The following ZZEF1 variants were observed in gnomAD, a reference collection of about 807,000 sequenced individuals.
ZZEF1 encodes zinc finger ZZ-type and EF-hand domain-containing protein 1.
ZZEF1 carries 157 observed loss-of-function variants against 342.8 expected under a neutral mutation model. That is an observed-to-expected ratio of 0.46 (90% CI 0.40 to 0.52). The LOEUF (loss-of-function observed/expected upper bound fraction) is 0.52, where lower values mean the gene tolerates loss of function less well. Among genes scored for constraint, ZZEF1 ranks in the 20% least tolerant of loss-of-function variants. The pLI, the probability that ZZEF1 is intolerant of heterozygous loss-of-function variation, is 0.00. For missense variants in ZZEF1, 3,480 were observed against 3,725.6 expected, an observed-to-expected ratio of 0.93 and a Z score of 1.72; for synonymous variants, 1,505 against 1,429.1, an observed-to-expected ratio of 1.05 and a Z score of -1.20.
intron 28 of ZZEF1, among the ~76,000 whole-genome samples, chr17:4,065,032 A>C (rs1398959393): frequency 6.6e-6 from 1 of 152,178 alleles, no homozygotes; most frequent in Non-Finnish European, 1.5e-5. Context: ...TTAAAAAAAA[A>C]AGTTTAAATT....
At chr17:4,109,148 T>C (rs1271501516) in intron 6 of ZZEF1, among the ~76,000 whole-genome samples, 1 of 152,252 alleles carries the variant, frequency 6.6e-6, no homozygotes, top group Non-Finnish European at 1.5e-5. Context: ...GAAAGAGCCC[T>C]CAACTGATCC....
At chr17:4,076,595 TGAGA>T in intron 21 of ZZEF1, 38 bp downstream of exon 21, 1 of 1,586,718 alleles carries the variant, frequency 6.3e-7, no homozygotes, top group Non-Finnish European at 8.6e-7. Context: ...CCATCACTCC[TGAGA>T]GAGAACACGG....
intron 40 of ZZEF1, chr17:4,033,203 C>A (rs979616628): frequency 8.0e-5 from 41 of 510,222 alleles, no homozygotes; most frequent in Non-Finnish European, 1.2e-4. Flanking sequence ...CATACTCACC[C>A]TACGGCTGTG....
chr17:4,141,684 A>G (rs941640817), intron 1 of ZZEF1, among the ~76,000 whole-genome samples: 1 of 149,762 alleles, frequency 6.7e-6, no homozygotes, highest in African/African-American at 2.5e-5. Context: ...AATCCTGCAC[A>G]TGTACGCCTG....
At chr17:4,115,977 G>A (rs1183533830) in intron 3 of ZZEF1, among the ~76,000 whole-genome samples, 1 of 152,090 alleles carries the variant, frequency 6.6e-6, no homozygotes, top group Admixed American at 6.6e-5. Flanking sequence ...TTTATTTTTA[G>A]TTGAACTTTT....
intron 1 of ZZEF1, among the ~76,000 whole-genome samples, chr17:4,128,538 C>A (rs910348386): frequency 3.3e-5 from 5 of 150,070 alleles, no homozygotes; most frequent in African/African-American, 1.2e-4. Flanking sequence ...AGGCTCACTG[C>A]AACCTCTGCC....
chr17:4,008,584 A>G lies in ZZEF1; in HGVS notation c.8805+299T>C. The G allele has an allele frequency of 6.2e-6, 7 of 1,137,560 alleles. No individual in the cohort carries two copies. The highest frequency in any genetic ancestry group is 7.6e-6 in the Non-Finnish European group (7 of 925,732). The allele number at this position is 1,137,560 out of a possible 1,614,324, so 70.5% of individuals were successfully genotyped here. A position where few individuals can be genotyped will look rare whatever the true frequency, so the allele number is the denominator to read the frequency against. ...CAACTCACATCTAAAAATATGTGAA[A>G]TCTAACTCCACGGAAACTTCAAGAA... On this transcript the variant is annotated intron_variant, in intron 54 of 54. Coordinates refer to ENST00000381638, the MANE Select transcript of ZZEF1 (RefSeq NM_015113.4). The surrounding 1 kb of genome is among the most constrained non-coding windows in gnomAD (Gnocchi z 4.2).
In ZZEF1 at chr17:4,086,589, C is replaced by G; in HGVS notation, c.2409G>C (p.Val803=). ...AAGCAGCCAGTACATCTCCCTGCAG[C>G]ACAGAGAAGCAGCTCTGGAGTAGCT... ...LLQLLQSCFS[V]LQGDVLAASE... Residue 803 remains valine, a synonymous_variant, in exon 15 of 55, where the codon GTG becomes GTC. Coordinates refer to ENST00000381638, the MANE Select transcript of ZZEF1 (RefSeq NM_015113.4). The G allele has an allele frequency of 6.2e-7, 1 of 1,614,176 alleles. No homozygotes were observed. Among genetic ancestry groups the G allele is most frequent in the Non-Finnish European group, 8.5e-7 (1 of 1,180,042 alleles).
chr17:4,058,703 C>T (rs192924377), intron 31 of ZZEF1, among the ~76,000 whole-genome samples: 69 of 152,222 alleles, frequency 4.5e-4, no homozygotes, highest in Middle Eastern at 3.4e-3. Flanking sequence ...GGCAAAATCC[C>T]GTTTCTACAA....
intron 11 of ZZEF1, among the ~76,000 whole-genome samples, chr17:4,093,495 G>A (rs2057982055): frequency 6.6e-6 from 1 of 152,178 alleles, no homozygotes; most frequent in Non-Finnish European, 1.5e-5. Context: ...CAGGAATGCT[G>A]CTAAAGGAAT....
chr17:4,137,899 T>C (rs2058778753), intron 1 of ZZEF1, among the ~76,000 whole-genome samples: 1 of 152,088 alleles, frequency 6.6e-6, no homozygotes, highest in Non-Finnish European at 1.5e-5. Flanking sequence ...CAGGTGACAG[T>C]GCCAAGGTGG....
chr17:4,079,291 A>G (rs1343406366), intron 18 of ZZEF1, among the ~76,000 whole-genome samples: 4 of 152,210 alleles, frequency 2.6e-5, no homozygotes, highest in East Asian at 1.9e-4. Flanking sequence ...TTTCTGCCCA[A>G]TGGCACTGAT....
intron 1 of ZZEF1, among the ~76,000 whole-genome samples, chr17:4,141,068 C>A (rs775506188): frequency 1.3e-5 from 2 of 152,104 alleles, no homozygotes; most frequent in Non-Finnish European, 1.5e-5. Context: ...GCCACCATGC[C>A]CAGCTAATTT....
chr17:4,075,468 T>A lies in ZZEF1; in HGVS notation c.3235-39A>T, dbSNP rs1403465032. The A allele has an allele frequency of 3.7e-6, 6 of 1,603,964 alleles. 1 individual carries two copies. The Middle Eastern group carries it at 5.1e-4, about 136-fold the overall frequency. Reference sequence around the variant, plus strand: ...TGAGCCAGGGGAAAGAAAGGTTCTATCACTAGACACCTAGCCACATGCAGC... The same window carrying A: ...TGAGCCAGGGGAAAGAAAGGTTCTAACACTAGACACCTAGCCACATGCAGC... On this transcript the variant is annotated intron_variant, in intron 21 of 54. Coordinates refer to ENST00000381638, the MANE Select transcript of ZZEF1 (RefSeq NM_015113.4).
chr17:4,080,313 A>T (rs1048303135), intron 18 of ZZEF1, among the ~76,000 whole-genome samples: 1 of 151,660 alleles, frequency 6.6e-6, no homozygotes. Flanking sequence ...ATTGCTAAGA[A>T]ATCTGAATTT....
At chr17:4,088,654 G>A (rs199878521) in intron 13 of ZZEF1, 24 bp downstream of exon 13, 37 of 1,610,604 alleles carry the variant, frequency 2.3e-5, no homozygotes, top group Admixed American at 6.7e-5. Flanking sequence ...AAGGAATGCC[G>A]TCTAACAACT....
At chr17:4,049,638 G>A in intron 37 of ZZEF1, 70 bp downstream of exon 37, 4 of 1,587,544 alleles carry the variant, frequency 2.5e-6, no homozygotes, top group Non-Finnish European at 3.4e-6. Flanking sequence ...TCTCTGCTAT[G>A]CTGCACTGAG....
In ZZEF1 at chr17:4,017,871, C is replaced by T. The variant is rs981675665; in HGVS notation, c.7606G>A (p.Ala2536Thr). Reference protein sequence around the residue: ...SLRLEEQSAKAVDTDMIILPC... With the variant: ...SLRLEEQSAKTVDTDMIILPC... ...AGGATAATCATGTCTGTATCCACAG[C>T]TTTGGCGCTCTGTTCTTCCAGCCTC... Residue 2536 changes from alanine (A) to threonine (T), a missense_variant, in exon 47 of 55, where the codon GCT (alanine) becomes ACT (threonine). This residue lies in a region of ZZEF1 where 1,269 missense variants were observed against 1,342.4 expected (regional missense o/e 0.95). Transcript: ENST00000381638. The surrounding 1 kb of genome is among the most constrained non-coding windows in gnomAD (Gnocchi z 5.1). 1 of 1,614,054 alleles carries T rather than the reference C, an allele frequency of 6.2e-7. No individual in the cohort carries two copies. The highest frequency in any genetic ancestry group is 1.3e-5 in the African/African-American group (1 of 74,922).
intron 6 of ZZEF1, among the ~76,000 whole-genome samples, chr17:4,108,749 T>C (rs1034375349): frequency 6.6e-6 from 1 of 152,254 alleles, no homozygotes; most frequent in African/African-American, 2.4e-5. Context: ...AATGTAAACT[T>C]GCAGTGCTTC....
Sources: allele counts gnomAD v4.1 joint callset (sites outside exome capture counted in the v4.1 genomes callset), GRCh38; gene constraint gnomAD v4.1.1; regional missense constraint gnomAD v4.1.1; non-coding constraint Gnocchi (gnomAD v3.1); transcripts MANE v1.5; gene names NCBI Gene and HGNC (gene_info 2026-07-23, HGNC 2026-07-21).